Variants in EFNA5 observed in about 807,000 individuals in gnomAD.
EFNA5 encodes ephrin-A5.
In EFNA5, 5 loss-of-function variants were observed where a neutral mutation model predicts 22.9. That is an observed-to-expected ratio of 0.22 (90% confidence interval 0.11 to 0.46). The LOEUF is 0.46. EFNA5 is among the 20% of genes least tolerant of loss of function. The pLI is 0.99. For missense variants in EFNA5, 237 were observed against 293.3 expected (o/e 0.81, Z 1.40); for synonymous variants, 113 against 112.2 (o/e 1.01, Z -0.04).
chr5:107,632,675 C>T (rs2112537483), intron 1 of EFNA5, among the ~76,000 whole-genome samples: 1 of 152,264 alleles, frequency 6.6e-6, no homozygotes, highest in South Asian at 2.1e-4. Context: ...CCAAATTTTA[C>T]CCAGAGAAAT....
intron 1 of EFNA5, among the ~76,000 whole-genome samples, chr5:107,465,012 C>G (rs1269727032): frequency 2.0e-5 from 3 of 151,754 alleles, no homozygotes; most frequent in Non-Finnish European, 2.9e-5. Context: ...ACCGAGGAAG[C>G]ACGGCCTAAG....
At chr5:107,651,617 C>T (rs1035843526) in intron 1 of EFNA5, among the ~76,000 whole-genome samples, 4 of 150,222 alleles carry the variant, frequency 2.7e-5, no homozygotes, top group East Asian at 3.9e-4. Flanking sequence ...TTTGTTTTTC[C>T]GTTTTACACA....
chr5:107,527,123 T>C (rs1288217634), intron 1 of EFNA5, among the ~76,000 whole-genome samples: 1 of 152,202 alleles, frequency 6.6e-6, no homozygotes, highest in Admixed American at 6.5e-5. Context: ...AAATATGACC[T>C]GGCATTTTGT....
chr5:107,438,567 G>A (rs749804399), intron 1 of EFNA5, among the ~76,000 whole-genome samples: 14 of 152,166 alleles, frequency 9.2e-5, no homozygotes, highest in Non-Finnish European at 1.9e-4. Context: ...CCAGTTAGCA[G>A]GAGTCATGGG....
At chr5:107,613,197 CTAGT>C (rs1749856466) in intron 1 of EFNA5, among the ~76,000 whole-genome samples, 1 of 151,952 alleles carries the variant, frequency 6.6e-6, no homozygotes, top group Non-Finnish European at 1.5e-5. Context: ...AGTTTATTTG[CTAGT>C]TACTCATTTC....
intron 1 of EFNA5, among the ~76,000 whole-genome samples, chr5:107,468,763 T>C (rs192049741): frequency 6.6e-6 from 1 of 151,912 alleles, no homozygotes; most frequent in East Asian, 2.0e-4. Context: ...ACCCATCAGC[T>C]ACATGTGATG....
At chr5:107,470,900 G>C (rs999652348) in intron 1 of EFNA5, among the ~76,000 whole-genome samples, 66 of 152,090 alleles carry the variant, frequency 4.3e-4, no homozygotes, top group Admixed American at 5.9e-4. Context: ...ACGAAATCAG[G>C]AGTAAGATGT....
chr5:107,412,179 C>T (rs115910304), intron 2 of EFNA5, among the ~76,000 whole-genome samples: 1,523 of 152,180 alleles, frequency 0.01, 18 homozygotes, highest in Admixed American at 0.014. Flanking sequence ...TATTGATTAA[C>T]CTGTTTCTGA....
intron 1 of EFNA5, among the ~76,000 whole-genome samples, chr5:107,485,020 G>A (rs1043863453): frequency 4.6e-5 from 7 of 151,484 alleles, no homozygotes; most frequent in Admixed American, 4.6e-4. Context: ...AGAAAAAAAG[G>A]TAGGAAATAC....
intron 1 of EFNA5, among the ~76,000 whole-genome samples, chr5:107,546,841 G>A (rs540246359): frequency 1.8e-4 from 27 of 151,882 alleles, no homozygotes; most frequent in African/African-American, 5.6e-4. Context: ...TTTGAGATCC[G>A]GTCATGTGAC....
At chr5:107,473,622 G>C (rs1057399681) in intron 1 of EFNA5, among the ~76,000 whole-genome samples, 3 of 151,402 alleles carry the variant, frequency 2.0e-5, no homozygotes, top group Admixed American at 6.6e-5. Flanking sequence ...GTTATGATCC[G>C]ATATTCTAAT....
intron 1 of EFNA5, among the ~76,000 whole-genome samples, chr5:107,494,595 G>A (rs1476716487): frequency 6.6e-6 from 1 of 152,248 alleles, no homozygotes; most frequent in East Asian, 1.9e-4. Context: ...CACGGCACGG[G>A]ACTGGCAGGC....
intron 1 of EFNA5, among the ~76,000 whole-genome samples, chr5:107,431,871 T>C (rs1230881659): frequency 6.6e-6 from 1 of 152,214 alleles, no homozygotes; most frequent in Non-Finnish European, 1.5e-5. Context: ...AGTTTCACTT[T>C]ACCAATGAGT....
chr5:107,559,429 G>C (rs1748490562), intron 1 of EFNA5, among the ~76,000 whole-genome samples: 1 of 152,178 alleles, frequency 6.6e-6, no homozygotes, highest in Non-Finnish European at 1.5e-5. Flanking sequence ...AATGAGCACT[G>C]AATATTTACT....
chr5:107,649,128 T>TC (rs1750681741), intron 1 of EFNA5, among the ~76,000 whole-genome samples: 1 of 152,072 alleles, frequency 6.6e-6, no homozygotes, highest in Non-Finnish European at 1.5e-5. Flanking sequence ...TCTCGGATCT[T>TC]CTAAGTGAGA....
At position 107,450,364 on chromosome 5, in the gene EFNA5, A is replaced by G. The variant is rs538540421; in HGVS notation, c.126-22855T>C. 2.6e-3 allele frequency among the ~76,000 whole-genome samples: 391 copies of G among 152,324 alleles called. 2 individuals are homozygous for G. Among genetic ancestry groups the G allele is most frequent in the African/African-American group, 9.1e-3 (377 of 41,576 alleles). ...ATCAGCCTCATTGTGACAAGATTTA[A>G]GTAAAGCCACAGAACTGGAATTGTG... On this transcript the variant is annotated intron_variant, in intron 1 of 4. Coordinates refer to ENST00000333274, the MANE Select transcript of EFNA5 (RefSeq NM_001962.3).
chr5:107,646,394 T>C (rs1241649292), intron 1 of EFNA5, among the ~76,000 whole-genome samples: 1 of 152,150 alleles, frequency 6.6e-6, no homozygotes, highest in African/African-American at 2.4e-5. Flanking sequence ...TTAAAGGCAT[T>C]ATCATTCTCA....
chr5:107,598,908 T>C (rs1335451717), intron 1 of EFNA5, among the ~76,000 whole-genome samples: 1 of 152,194 alleles, frequency 6.6e-6, no homozygotes, highest in Non-Finnish European at 1.5e-5. Flanking sequence ...CATTCTCTCT[T>C]AGCTTAATTC....
chr5:107,669,604 G>A (rs191669), intron 1 of EFNA5, among the ~76,000 whole-genome samples: 1 of 151,810 alleles, frequency 6.6e-6, no homozygotes, highest in Non-Finnish European at 1.5e-5. Flanking sequence ...ACGCGCACTA[G>A]GACCGCCCCC....
Sources: gnomAD v4.1 joint callset for allele counts (sites outside exome capture counted in the v4.1 genomes callset) on GRCh38, gnomAD v4.1.1 for gene constraint, MANE v1.5 for transcripts, NCBI Gene and HGNC (gene_info 2026-07-23, HGNC 2026-07-21) for gene names.